PLXDC1: variants seen among roughly 807,000 people sequenced by gnomAD.
The protein encoded by PLXDC1 is plexin domain-containing protein 1.
A neutral mutation model predicts 61.3 loss-of-function variants in PLXDC1; 39 were observed. That is an observed-to-expected ratio of 0.64 (90% CI 0.49 to 0.83). The LOEUF (loss-of-function observed/expected upper bound fraction) is 0.83, where lower values mean the gene tolerates loss of function less well. Among genes scored for constraint, PLXDC1 ranks in the 40% least tolerant of loss-of-function variants. The pLI is 0.00. For synonymous variants in PLXDC1, 212 were observed against 254.5 expected, an observed-to-expected ratio of 0.83 and a Z score of 1.59; for missense variants, 596 against 666.5, an observed-to-expected ratio of 0.89 and a Z score of 1.17.
intron 2 of PLXDC1, among the ~76,000 whole-genome samples, chr17:39,124,174 G>A (rs1567768324): frequency 3.3e-5 from 5 of 152,200 alleles, no homozygotes; most frequent in South Asian, 4.1e-4. Context: ...CTGCTGAATC[G>A]GCATCTGCCT....
At chr17:39,124,321 T>C (rs1911254793) in intron 2 of PLXDC1, among the ~76,000 whole-genome samples, 1 of 152,260 alleles carries the variant, frequency 6.6e-6, no homozygotes, top group African/African-American at 2.4e-5. Flanking sequence ...GCCTGGGCAC[T>C]GTGGCTCACG....
At position 39,134,627 on chromosome 17, in the gene PLXDC1, A is replaced by T. The variant is rs1246173341; in HGVS notation, c.255+5027T>A. Among the ~76,000 whole-genome samples, 10 of 127,868 alleles carry T rather than the reference A, an allele frequency of 7.8e-5. No homozygotes were observed. In the South Asian group the frequency reaches 1.1e-3, roughly 15 times the overall value. 83.9% of individuals were successfully genotyped at this position (127,868 alleles called of 152,430 possible). A position where few individuals can be genotyped will look rare whatever the true frequency, so the allele number is the denominator to read the frequency against. On this transcript the variant is annotated intron_variant, in intron 2 of 13. Transcript: ENST00000315392. ...GGCCACAGAGCAAGACTTTGTCTCT[A>T]AAAAAAAAAAAAGAAAAAGAAAAAA...
At chr17:39,074,345 A>G (rs552061522) in intron 11 of PLXDC1, among the ~76,000 whole-genome samples, 4 of 152,176 alleles carry the variant, frequency 2.6e-5, no homozygotes, top group South Asian at 4.1e-4. Flanking sequence ...TCCACCCTCC[A>G]AAAAGTTTTT....
In PLXDC1 at chr17:39,064,535, A is replaced by G. The variant is rs944099592; in HGVS notation, c.*3305T>C. The G allele has an allele frequency of 1.3e-5, 2 of 152,168 alleles. No individual in the cohort carries two copies. The highest frequency in any genetic ancestry group is 4.8e-5 in the African/African-American group (2 of 41,442). The allele number at this position is 152,168 out of a possible 1,614,324, so 9.4% of individuals were successfully genotyped here. ...TAGATCACAGCCTCTTCTTAGTCAT[A>G]CCCATTTATACATGTCATGAGGGTC... On this transcript the variant is annotated 3_prime_UTR_variant, in exon 14 of 14. Transcript: ENST00000315392.
At chr17:39,132,451 G>A (rs746794399) in intron 2 of PLXDC1, among the ~76,000 whole-genome samples, 21 of 152,162 alleles carry the variant, frequency 1.4e-4, no homozygotes, top group Non-Finnish European at 2.9e-4. Context: ...GAAATCTTGA[G>A]TCTGGACAAG....
chr17:39,098,722 G>T (rs989014490), intron 7 of PLXDC1, among the ~76,000 whole-genome samples: 19 of 152,176 alleles, frequency 1.2e-4, no homozygotes, highest in African/African-American at 1.9e-4. Context: ...GACCTGGGCC[G>T]CTGGAGAGGG....
chr17:39,116,943 AG>A (rs1910988359), intron 2 of PLXDC1, among the ~76,000 whole-genome samples: 1 of 152,238 alleles, frequency 6.6e-6, no homozygotes, highest in African/African-American at 2.4e-5. Flanking sequence ...TACAAGGGCC[AG>A]GGCGTGCCAG....
At chr17:39,125,900 A>G (rs1334261691) in intron 2 of PLXDC1, among the ~76,000 whole-genome samples, 1 of 152,118 alleles carries the variant, frequency 6.6e-6, no homozygotes, top group African/African-American at 2.4e-5. Flanking sequence ...TACATTTTCC[A>G]TATCTTGGAT....
At chr17:39,086,522 G>A (rs1909745166) in intron 8 of PLXDC1, among the ~76,000 whole-genome samples, 1 of 152,186 alleles carries the variant, frequency 6.6e-6, no homozygotes, top group Admixed American at 6.5e-5. Context: ...GACCGGGCAT[G>A]GTGGCTCATG....
At position 39,139,550 on chromosome 17, in the gene PLXDC1, C is replaced by G; in HGVS notation, c.255+104G>C. 4.3e-6 allele frequency: 5 copies of G among 1,153,410 alleles called. No individual in the cohort carries two copies. The South Asian group carries it at 6.2e-5, about 14-fold the overall frequency. The allele number at this position is 1,153,410 out of a possible 1,614,324, so 71.4% of individuals were successfully genotyped here. On this transcript the variant is annotated intron_variant, in intron 2 of 13. Coordinates refer to ENST00000315392, the MANE Select transcript of PLXDC1 (RefSeq NM_020405.5). ...TCCACCCTGTCCTCCGGGGCCAACCCCAAATGATATGTGATTTGCATGTAG... is the reference window on the plus strand; with the variant it reads ...TCCACCCTGTCCTCCGGGGCCAACCGCAAATGATATGTGATTTGCATGTAG...
At position 39,069,909 on chromosome 17, in the gene PLXDC1, C is replaced by G. The variant is rs1162766703; in HGVS notation, c.1330G>C (p.Gly444Arg). Reference protein sequence around the residue: ...VLLVAAIILAGIYINGHPTSN... With the variant: ...VLLVAAIILARIYINGHPTSN... ...GTGGGGTGGCCATTGATGTAAATTC[C>G]AGCCAGGATGATGGCCGCCACGAGG... is the stretch of plus-strand genomic sequence containing the variant. Residue 444 changes from glycine to arginine, a missense_variant, in exon 13 of 14, where the codon GGA becomes CGA. Gly to Arg is a moderately radical substitution (Grantham distance 125). Coordinates refer to ENST00000315392, the MANE Select transcript of PLXDC1 (RefSeq NM_020405.5). The G allele has an allele frequency of 6.2e-7, 1 of 1,613,776 alleles. No individual in the cohort carries two copies. Among genetic ancestry groups the G allele is most frequent in the Admixed American group, 1.7e-5 (1 of 59,992 alleles).
At chr17:39,125,339 T>A (rs1227213458) in intron 2 of PLXDC1, among the ~76,000 whole-genome samples, 2 of 151,836 alleles carry the variant, frequency 1.3e-5, no homozygotes, top group African/African-American at 4.8e-5. Flanking sequence ...GATGTCAGAG[T>A]GAGTGAGGCT....
chr17:39,120,755 C>A (rs1237053497), intron 2 of PLXDC1, among the ~76,000 whole-genome samples: 1 of 139,864 alleles, frequency 7.1e-6, no homozygotes, highest in Non-Finnish European at 1.5e-5. Context: ...CCACACCCAG[C>A]TAATTTTTTT....
At position 39,148,643 on chromosome 17, in the gene PLXDC1, C is replaced by T. The variant is rs2045355845; in HGVS notation, c.76+2719G>A. Among the ~76,000 whole-genome samples the T allele has an allele frequency of 2.0e-5, 3 of 152,144 alleles. No homozygotes were observed. In the South Asian group the frequency reaches 6.2e-4, roughly 32 times the overall value. ...AGAGACGGGGTTTCACCATGTTAGC[C>T]AGGCTGGTCTCAAACTCCTGACCTC... On this transcript the variant is annotated intron_variant, in intron 1 of 13. Transcript: ENST00000315392.
intron 2 of PLXDC1, among the ~76,000 whole-genome samples, chr17:39,122,378 C>CAAA (rs71141762): frequency 3.8e-4 from 14 of 36,502 alleles, no homozygotes; most frequent in African/African-American, 7.7e-4. Context: ...GACTCTGTCT[C>CAAA]AAAAAAAAAA....
At chr17:39,105,434 A>G (rs1202081726) in intron 7 of PLXDC1, among the ~76,000 whole-genome samples, 2 of 152,148 alleles carry the variant, frequency 1.3e-5, no homozygotes, top group East Asian at 1.9e-4. Flanking sequence ...TTGCTGAAGG[A>G]CAGGGAGGTA....
intron 9 of PLXDC1, chr17:39,079,524 G>C: frequency 4.3e-6 from 2 of 461,014 alleles, no homozygotes; most frequent in Non-Finnish European, 8.7e-6. Flanking sequence ...TGGTTGTTGA[G>C]GGACCTAAAC....
rs146173470 is a variant in PLXDC1 at position 39,107,429 on chromosome 17, C to T, written c.689G>A (p.Arg230His). 6.1e-5 allele frequency: 98 copies of T among 1,610,994 alleles called. No homozygotes were observed. Among genetic ancestry groups the T allele is most frequent in the Middle Eastern group, 3.3e-4 (2 of 6,044 alleles). Reference sequence around the variant, plus strand: ...CACCTCTTTATAGGCAAAGACAATGCGGCCGTCATGGTGCAGAGCTGCCTG... The same window carrying T: ...CACCTCTTTATAGGCAAAGACAATGTGGCCGTCATGGTGCAGAGCTGCCTG... Reference protein sequence around the residue: ...TFQAALHHDGRIVFAYKEIPM... With the variant: ...TFQAALHHDGHIVFAYKEIPM... The change falls in exon 6 of 14, where the codon CGC (arginine) becomes CAC (histidine). Residue 230 changes from arginine (R) to histidine (H), a missense_variant. Physicochemically the swap from Arg to His is conservative, Grantham distance 29. Transcript: ENST00000315392.
intron 7 of PLXDC1, among the ~76,000 whole-genome samples, chr17:39,101,905 G>T (rs1349268939): frequency 3.9e-5 from 6 of 152,172 alleles, no homozygotes; most frequent in African/African-American, 1.4e-4. Flanking sequence ...GCTTCGGGGA[G>T]CAAGTCTATG....
Sources: allele counts gnomAD v4.1 joint callset (sites outside exome capture counted in the v4.1 genomes callset), GRCh38; gene constraint gnomAD v4.1.1; transcripts MANE v1.5; gene names NCBI Gene and HGNC (gene_info 2026-07-23, HGNC 2026-07-21).